The following PCDH11Y variants were observed in gnomAD, a reference collection of about 807,000 sequenced individuals.
PCDH11Y encodes protocadherin 11 Y-linked, also known as protocadherin-11 Y-linked.
For synonymous variants in PCDH11Y, 9 were observed against 83.6 expected (o/e 0.11, Z 4.87); for missense variants, 12 against 224.8 (o/e 0.05, Z 6.05).
chrY:5,445,217 TTAA>T (rs2053286394), intron 2 of PCDH11Y, among the ~76,000 whole-genome samples: 6 of 28,225 alleles, frequency 2.1e-4, no homozygotes, highest in African/African-American at 8.4e-4. Flanking sequence ...TAATTAAAAC[TTAA>T]TAAAGCTTTT....
chrY:5,536,438 GAGTTCC>G, intron 3 of PCDH11Y, among the ~76,000 whole-genome samples: 2 of 32,941 alleles, frequency 6.1e-5, no homozygotes, highest in Non-Finnish European at 1.5e-4. Context: ...TAATTCCTTT[GAGTTCC>G]TTGTAGATTC....
chrY:5,466,995 A>G (rs2124684314), intron 2 of PCDH11Y, among the ~76,000 whole-genome samples: 1 of 33,383 alleles, frequency 3.0e-5, no homozygotes, highest in Admixed American at 2.8e-4. Context: ...GTTGAAGCAG[A>G]ATCTCTGTTA....
chrY:5,595,924 T>C, intron 4 of PCDH11Y, among the ~76,000 whole-genome samples: 1 of 30,056 alleles, frequency 3.3e-5, no homozygotes, highest in African/African-American at 1.3e-4. Flanking sequence ...TACTCACACA[T>C]GTCTCATTAA....
chrY:5,235,760 A>G (rs2124654355), intron 2 of PCDH11Y, among the ~76,000 whole-genome samples: 1 of 33,514 alleles, frequency 3.0e-5, no homozygotes, highest in African/African-American at 1.2e-4. Context: ...AGAACAATTT[A>G]TATTTCTTTG....
chrY:5,634,120 A>G, intron 4 of PCDH11Y, among the ~76,000 whole-genome samples: 5 of 27,709 alleles, frequency 1.8e-4, no homozygotes, highest in Non-Finnish European at 3.4e-4. Flanking sequence ...AGGCTGAGGC[A>G]GGAGAATGGC....
intron 2 of PCDH11Y, among the ~76,000 whole-genome samples, chrY:5,405,295 C>G: frequency 8.6e-5 from 1 of 11,616 alleles, no homozygotes; most frequent in South Asian, 3.3e-3. Flanking sequence ...TCTCCTGCCT[C>G]AGACTCCCGA....
chrY:5,480,219 G>T (rs2053324164), intron 2 of PCDH11Y, among the ~76,000 whole-genome samples: 1 of 31,202 alleles, frequency 3.2e-5, no homozygotes, highest in African/African-American at 1.3e-4. Flanking sequence ...GGGCTTTTGC[G>T]TGGGGGTCCT....
At chrY:5,325,698 G>A in intron 2 of PCDH11Y, among the ~76,000 whole-genome samples, 1 of 33,237 alleles carries the variant, frequency 3.0e-5, no homozygotes, top group Non-Finnish European at 7.4e-5. Flanking sequence ...ATGGCTTGGA[G>A]AAACAGTGTA....
chrY:5,241,021 T>C (rs2052987635), intron 2 of PCDH11Y, among the ~76,000 whole-genome samples: 1 of 30,737 alleles, frequency 3.3e-5, no homozygotes, highest in Non-Finnish European at 7.7e-5. Flanking sequence ...CTTCATTAAT[T>C]ATCTTAGCTA....
At chrY:5,202,997 C>T in intron 2 of PCDH11Y, among the ~76,000 whole-genome samples, 1 of 32,266 alleles carries the variant, frequency 3.1e-5, no homozygotes, top group African/African-American at 1.2e-4. Flanking sequence ...TTATGTGTCC[C>T]TGCCTCACTT....
chrY:5,478,519 G>A, intron 2 of PCDH11Y, among the ~76,000 whole-genome samples: 2 of 32,410 alleles, frequency 6.2e-5, no homozygotes, highest in Non-Finnish European at 1.5e-4. Flanking sequence ...GGGGAGTTCT[G>A]TAGATGTCTA....
chrY:5,143,299 T>G (rs2052853057), intron 2 of PCDH11Y, among the ~76,000 whole-genome samples: 1 of 33,490 alleles, frequency 3.0e-5, no homozygotes, highest in Non-Finnish European at 7.5e-5. Flanking sequence ...GTAAAAAAAA[T>G]GAAGTTTAGG....
intron 1 of PCDH11Y, among the ~76,000 whole-genome samples, chrY:5,005,815 C>T: frequency 6.1e-5 from 2 of 32,585 alleles, no homozygotes; most frequent in South Asian, 1.4e-3. Context: ...CCTTTTACAT[C>T]CTCCTCCCCC....
chrY:5,152,468 G>A (rs2052865058), intron 2 of PCDH11Y, among the ~76,000 whole-genome samples: 2 of 32,461 alleles, frequency 6.2e-5, no homozygotes, highest in South Asian at 1.3e-3. Context: ...AGGTAATCCC[G>A]TATATATAGA....
chrY:5,493,872 T>C, intron 2 of PCDH11Y, among the ~76,000 whole-genome samples: 1 of 33,562 alleles, frequency 3.0e-5, no homozygotes, highest in Non-Finnish European at 7.4e-5. Context: ...TCCAAGTTTG[T>C]TAAAATTAAA....
At chrY:5,666,431 A>G (rs2053544751) in intron 4 of PCDH11Y, among the ~76,000 whole-genome samples, 1 of 34,204 alleles carries the variant, frequency 2.9e-5, no homozygotes, top group Non-Finnish European at 7.3e-5. Flanking sequence ...AGAACTGTGA[A>G]AATTAATGAT....
exon 5 of PCDH11Y, chrY:5,737,827 G>A: frequency 7.5e-6 from 3 of 399,157 alleles, no homozygotes; most frequent in Non-Finnish European, 1.1e-5. Context: ...ATGTCTGAAA[G>A]ACTTCATCCC....
At chrY:5,046,489 A>G (rs1170768874) in intron 3 of PCDH11Y, among the ~76,000 whole-genome samples, 48 of 33,685 alleles carry the variant, frequency 1.4e-3, no homozygotes, top group Non-Finnish European at 1.0e-3. Context: ...CCAGCTGCAT[A>G]CTGGGAGAAC....
intron 4 of PCDH11Y, among the ~76,000 whole-genome samples, chrY:5,663,934 G>A (rs1602957654): frequency 6.5e-5 from 2 of 30,624 alleles, no homozygotes; most frequent in East Asian, 1.7e-3. Flanking sequence ...ATATTCTCAG[G>A]CTCACCCTAA....
Sources: gnomAD v4.1 joint callset for allele counts (sites outside exome capture counted in the v4.1 genomes callset) on GRCh38, gnomAD v4.1.1 for gene constraint, MANE v1.5 for transcripts, NCBI Gene and HGNC (gene_info 2026-07-23, HGNC 2026-07-21) for gene names.